The following CFAP74 variants were observed in gnomAD, a reference collection of about 807,000 sequenced individuals.
CFAP74 encodes the protein cilia- and flagella-associated protein 74.
CFAP74 carries 124 observed loss-of-function variants against 188.9 expected under a neutral mutation model. The observed-to-expected ratio is 0.66, with a 90% confidence interval of 0.57 to 0.76. The LOEUF (loss-of-function observed/expected upper bound fraction) is 0.76, where lower values mean the gene tolerates loss of function less well. Among genes scored for constraint, CFAP74 ranks in the 30% least tolerant of loss-of-function variants. The pLI, the probability that CFAP74 is intolerant of heterozygous loss-of-function variation, is 0.00. For missense variants in CFAP74, 2,198 were observed against 2,165.2 expected (o/e 1.02, Z -0.30); for synonymous variants, 956 against 916.7 (o/e 1.04, Z -0.77).
intron 22 of CFAP74, among the ~76,000 whole-genome samples, chr1:1,940,850 C>T (rs1213774253): frequency 2.0e-5 from 3 of 152,198 alleles, no homozygotes; most frequent in South Asian, 2.1e-4. Flanking sequence ...CGGTGGCTCA[C>T]GCCTGTAATC....
intron 34 of CFAP74, 35 bp downstream of exon 34, chr1:1,924,356 C>CCCCGG: frequency 1.6e-6 from 1 of 610,614 alleles, no homozygotes. Context: ...CGCCCACCCC[C>CCCCGG]GCAGCTCACC....
intron 11 of CFAP74, among the ~76,000 whole-genome samples, chr1:1,967,430 G>T (rs1655546529): frequency 6.8e-6 from 1 of 147,636 alleles, no homozygotes; most frequent in Non-Finnish European, 1.5e-5. Flanking sequence ...GCAGGGAGCA[G>T]CTCACGGGTG....
chr1:1,996,030 G>A lies in CFAP74; in HGVS notation c.-19-5055C>T, dbSNP rs978115615. 1.1e-4 allele frequency among the ~76,000 whole-genome samples: 16 copies of A among 152,120 alleles called. No homozygotes were observed. The East Asian group carries it at 2.7e-3, about 26-fold the overall frequency. On this transcript the variant is annotated intron_variant, in intron 1 of 38. Transcript: ENST00000682832. ...GGCAGAGTCTCACTCTGTCGCCCAC[G>A]CTGGAGTGCAGAGGTACGATCTCGG...
intron 8 of CFAP74, 37 bp from the exon 9 acceptor site, chr1:1,972,119 C>T (rs977133565): frequency 3.3e-6 from 5 of 1,528,466 alleles, no homozygotes; most frequent in East Asian, 2.2e-5. Flanking sequence ...GAGGCTCTGT[C>T]GCCCAGGCTG....
At position 1,956,729 on chromosome 1, in the gene CFAP74, G is replaced by A. The variant is rs199904010; in HGVS notation, c.1907C>T (p.Thr636Met). 692 of 1,613,888 alleles carry A rather than the reference G, an allele frequency of 4.3e-4. 2 individuals carry two copies. The highest frequency in any genetic ancestry group is 4.8e-4 in the Admixed American group (29 of 59,984). ...DFGSYVVGET[T>M]SRTITLTNVG... is the part of the protein sequence containing the mutation. ...GTTGGTCAGCGTGATGGTCCGAGACGTGGTCTCTCCTACCACGTAGCTGCC... is the reference window on the plus strand; with the variant it reads ...GTTGGTCAGCGTGATGGTCCGAGACATGGTCTCTCCTACCACGTAGCTGCC... Residue 636 changes from threonine to methionine, a missense_variant, in exon 17 of 39, where the codon ACG (threonine) becomes ATG (methionine). Thr to Met is a moderately conservative substitution (Grantham distance 81). Transcript: ENST00000682832.
Position 1,946,998 on chromosome 1 carries a change from G to T in CFAP74, c.2233C>A (p.Leu745Met), listed in dbSNP as rs1653817832. Residue 745 changes from leucine (L) to methionine (M), a missense_variant, in exon 19 of 39, where the codon CTG becomes ATG. By Grantham distance (15) the Leu-to-Met change is conservative. Coordinates refer to ENST00000682832, the MANE Select transcript of CFAP74 (RefSeq NM_001304360.2). ...PPSEEQTEIT[L>M]GEVTEGEIGP... ...GGCCTGAGCTGGCTGACCTCCCCCA[G>T]CGTGATCTCCGTCTGCTCTTCGCTG... 6.5e-7 allele frequency: 1 copy of T among 1,535,660 alleles called. No homozygotes were observed. Among genetic ancestry groups the T allele is most frequent in the Non-Finnish European group, 8.7e-7 (1 of 1,146,580 alleles).
At position 1,974,036 on chromosome 1, in the gene CFAP74, C is replaced by T; in HGVS notation, c.663G>A (p.Leu221=). 1 of 1,576,688 alleles carries T rather than the reference C, an allele frequency of 6.3e-7. No individual in the cohort carries two copies. The highest frequency in any genetic ancestry group is 8.6e-7 in the Non-Finnish European group (1 of 1,157,100). The change falls in exon 7 of 39, where the codon CTG becomes CTA. Residue 221 remains leucine (L), a synonymous_variant. Transcript: ENST00000682832. ...TGGGTGTCGCCTACCTGATCCTCAG[C>T]AGTCGGTTCCGCTCCACCTTCCCCA... ...EALGKVERNR[L]LRIRKSLNTQ... is the part of the protein sequence containing the mutation.
At chr1:1,983,934 C>A (rs1486697019) in intron 6 of CFAP74, 1 of 149,760 alleles carries the variant, frequency 6.7e-6, no homozygotes, top group African/African-American at 2.4e-5. Flanking sequence ...TGTGATCCAC[C>A]CGCCTCGGCC....
At position 1,932,066 on chromosome 1, in the gene CFAP74, C is replaced by CAAAAA. The variant is rs1214190743; in HGVS notation, c.3012-1735_3012-1731dup. Among the ~76,000 whole-genome samples, 17 of 49,412 alleles carry CAAAAA rather than the reference C, an allele frequency of 3.4e-4. 1 individual carries two copies. Among genetic ancestry groups the CAAAAA allele is most frequent in the African/African-American group, 1.1e-3 (12 of 11,060 alleles). 32.4% of individuals were successfully genotyped at this position (49,412 alleles called of 152,430 possible). On this transcript the variant is annotated intron_variant, in intron 25 of 38. Transcript: ENST00000682832. ...GGGTGACAGAGTGAGACTCTCGCCT[C>CAAAAA]AAAAAAAAAAAAACAAAAAACAAAA...
Position 1,928,284 on chromosome 1 carries a change from T to G in CFAP74, c.3387+500A>C, listed in dbSNP as rs34969620. Among the ~76,000 whole-genome samples, 37 of 94,858 alleles carry G rather than the reference T, an allele frequency of 3.9e-4. 1 individual carries two copies. In the East Asian group the frequency reaches 5.2e-3, roughly 13 times the overall value. The allele number at this position is 94,858 out of a possible 152,430, so 62.2% of individuals were successfully genotyped here. On this transcript the variant is annotated intron_variant, in intron 27 of 38. Transcript: ENST00000682832. ...AAGCCAGGCCGGGAAGGGCAAACCC[T>G]TGGGAGGAAGCCAGGCCGGGAAGGG...
intron 4 of CFAP74, chr1:1,988,121 T>G (rs1384424365): frequency 2.1e-6 from 1 of 475,698 alleles, no homozygotes; most frequent in African/African-American, 2.0e-5. Context: ...ATGTTTTTAG[T>G]TTTTAGGAGA....
intron 5 of CFAP74, among the ~76,000 whole-genome samples, chr1:1,985,970 G>T (rs1399869624): frequency 6.6e-6 from 1 of 152,242 alleles, no homozygotes; most frequent in Non-Finnish European, 1.5e-5. Context: ...GAGCGGCACA[G>T]TGTGATGCTG....
At chr1:1,965,112 G>A (rs753714482) in intron 12 of CFAP74, 51 bp from the exon 13 acceptor site, 293 of 1,560,458 alleles carry the variant, frequency 1.9e-4, no homozygotes, top group Non-Finnish European at 2.3e-4. Flanking sequence ...CCACCTGGGC[G>A]GCGCCGGTGG....
chr1:1,982,287 ACGCGGGGACACGCAGGACACCCAGC>A (rs1346714111), intron 6 of CFAP74, among the ~76,000 whole-genome samples: 364 of 105,484 alleles, frequency 3.5e-3, no homozygotes, highest in African/African-American at 9.2e-3. Flanking sequence ...CCGTGGTCAC[ACGCGGGGACACGCAGGACACCCAGC>A]CGTGGTCACA....
chr1:1,962,416 C>T (rs1655153361), intron 14 of CFAP74, among the ~76,000 whole-genome samples: 1 of 142,818 alleles, frequency 7.0e-6, no homozygotes, highest in Non-Finnish European at 1.5e-5. Flanking sequence ...GCAGAGGTTG[C>T]AGGGAGCCGA....
At position 1,923,991 on chromosome 1, in the gene CFAP74, G is replaced by T. The variant is rs866652780; in HGVS notation, c.4235-62C>A. 1.9e-6 allele frequency: 3 copies of T among 1,545,438 alleles called. No homozygotes were observed. Among genetic ancestry groups the T allele is most frequent in the South Asian group, 2.5e-5 (2 of 80,980 alleles). ...CCTGCAATCACTGTCTGCCCTCCAA[G>T]CCTTGCTGCATAGAGCTCTACACCC... On this transcript the variant is annotated intron_variant, in intron 34 of 38. Coordinates refer to ENST00000682832, the MANE Select transcript of CFAP74 (RefSeq NM_001304360.2). The surrounding 1 kb of genome is among the most constrained non-coding windows in gnomAD (Gnocchi z 6.3).
At chr1:1,954,993 G>A (rs1386924397) in intron 18 of CFAP74, 4 of 1,148,788 alleles carry the variant, frequency 3.5e-6, no homozygotes, top group African/African-American at 1.9e-5. Context: ...TCTCAGGAAA[G>A]GAAACGCCAC....
intron 28 of CFAP74, 60 bp from the exon 29 acceptor site, chr1:1,927,088 C>G: frequency 6.5e-7 from 1 of 1,541,172 alleles, no homozygotes; most frequent in Non-Finnish European, 8.8e-7. Flanking sequence ...CGGCCCAGGC[C>G]GGACCCCTGC....
chr1:1,994,223 C>A, intron 1 of CFAP74, among the ~76,000 whole-genome samples: 1 of 143,430 alleles, frequency 7.0e-6, no homozygotes, highest in African/African-American at 2.6e-5. Flanking sequence ...AGTATAGAGA[C>A]AGACATTTAA....
Sources: allele counts gnomAD v4.1 joint callset (sites outside exome capture counted in the v4.1 genomes callset), GRCh38; gene constraint gnomAD v4.1.1; non-coding constraint Gnocchi (gnomAD v3.1); transcripts MANE v1.5; gene names NCBI Gene and HGNC (gene_info 2026-07-23, HGNC 2026-07-21).